The following PPM1H variants were observed in gnomAD, a reference collection of about 807,000 sequenced individuals.
The protein encoded by PPM1H is protein phosphatase 1H.
Under a neutral mutation model 54.9 loss-of-function variants are expected in PPM1H, and 27 were observed. The observed-to-expected ratio is 0.49, with a 90% CI of 0.36 to 0.68. The LOEUF is 0.68. Among genes scored for constraint, PPM1H ranks in the 30% least tolerant of loss-of-function variants. PPM1H has a pLI of 0.00. For missense variants in PPM1H, 596 were observed against 667.8 expected, an observed-to-expected ratio of 0.89 and a Z score of 1.19; for synonymous variants, 305 against 270.8, an observed-to-expected ratio of 1.13 and a Z score of -1.24.
chr12:62,695,058 T>C (rs556126190), intron 6 of PPM1H, among the ~76,000 whole-genome samples: 9 of 152,274 alleles, frequency 5.9e-5, no homozygotes, highest in African/African-American at 2.2e-4. Context: ...AATCCTAATT[T>C]ATTAAATGGC....
chr12:62,670,950 G>T (rs973003359), intron 8 of PPM1H, among the ~76,000 whole-genome samples: 12 of 152,080 alleles, frequency 7.9e-5, no homozygotes, highest in African/African-American at 2.2e-4. Context: ...AACCTGTGAT[G>T]CAGAACATTT....
intron 5 of PPM1H, among the ~76,000 whole-genome samples, chr12:62,727,412 G>A (rs1375945196): frequency 1.3e-5 from 2 of 151,996 alleles, no homozygotes; most frequent in African/African-American, 4.8e-5. Flanking sequence ...GGCCCATATT[G>A]TATAAAAACC....
intron 1 of PPM1H, among the ~76,000 whole-genome samples, chr12:62,927,544 C>A (rs1872008604): frequency 1.3e-5 from 2 of 151,556 alleles, no homozygotes; most frequent in African/African-American, 2.4e-5. Flanking sequence ...CGCCTGTAAT[C>A]CCAGCTTCTC....
intron 1 of PPM1H, among the ~76,000 whole-genome samples, chr12:62,855,811 G>A (rs958184450): frequency 2.0e-5 from 3 of 152,220 alleles, no homozygotes; most frequent in South Asian, 2.1e-4. Context: ...TGAGCTTATT[G>A]GGTACTGGAT....
At chr12:62,903,623 C>T (rs974265721) in intron 1 of PPM1H, among the ~76,000 whole-genome samples, 14 of 151,606 alleles carry the variant, frequency 9.2e-5, no homozygotes, top group African/African-American at 2.9e-4. Context: ...CACCCACCGC[C>T]AATTCCTTCA....
At position 62,802,044 on chromosome 12, in the gene PPM1H, G is replaced by T. The variant is rs1347113597; in HGVS notation, c.528C>A (p.Asp176Glu). 1.9e-6 allele frequency: 3 copies of T among 1,613,342 alleles called. No individual in the cohort carries two copies. The Admixed American group carries it at 5.0e-5, about 27-fold the overall frequency. ...LQHHITEQLQ[D>E]IVDILKNSAV... ...CGGAGTTCTTCAGGATGTCCACGAT[G>T]TCCTGCAGCTGCTCCGTGATGTGGT... Residue 176 changes from aspartate (D) to glutamate (E), a missense_variant, in exon 3 of 10, where the codon GAC becomes GAA. Around this residue, in one of 3 missense-constraint regions of PPM1H, gnomAD observed 382 missense variants for 387.1 expected, o/e 0.99. Transcript: ENST00000228705.
chr12:62,685,167 A>G lies in PPM1H; in HGVS notation c.1245+4532T>C, dbSNP rs544176459. 2.7e-3 allele frequency among the ~76,000 whole-genome samples: 406 copies of G among 152,238 alleles called. 6 individuals are homozygous for G. Among genetic ancestry groups the G allele is most frequent in the African/African-American group, 9.2e-3 (383 of 41,546 alleles). ...TTATAGGTGCACAGTGTTACTTTGCACAATTCTGTCTGGTCTCGGTTTGCA... is the reference window on the plus strand; with the variant it reads ...TTATAGGTGCACAGTGTTACTTTGCGCAATTCTGTCTGGTCTCGGTTTGCA... On this transcript the variant is annotated intron_variant, in intron 8 of 9. Transcript: ENST00000228705.
At chr12:62,793,109 G>A (rs1178075732) in intron 3 of PPM1H, among the ~76,000 whole-genome samples, 1 of 152,092 alleles carries the variant, frequency 6.6e-6, no homozygotes, top group African/African-American at 2.4e-5. Flanking sequence ...TATTTTTGCT[G>A]TCAATGAACC....
intron 1 of PPM1H, among the ~76,000 whole-genome samples, chr12:62,908,879 T>G (rs1255004715): frequency 6.6e-6 from 1 of 152,186 alleles, no homozygotes; most frequent in African/African-American, 2.4e-5. Flanking sequence ...TTATGACTAA[T>G]CCCTGGCTTA....
intron 9 of PPM1H, among the ~76,000 whole-genome samples, chr12:62,655,294 G>A (rs75534475): frequency 1.6e-3 from 243 of 152,180 alleles, no homozygotes; most frequent in African/African-American, 5.7e-3. Context: ...ATCCATCTTC[G>A]GAGCCACCTT....
chr12:62,802,331 A>C (rs2076776197), intron 2 of PPM1H, among the ~76,000 whole-genome samples, 171 bp from the exon 3 acceptor site: 2 of 151,946 alleles, frequency 1.3e-5, no homozygotes, highest in Non-Finnish European at 2.9e-5. Flanking sequence ...AAAAACAAAA[A>C]CAAAAAAAAC....
At chr12:62,870,077 A>G (rs1869924331) in intron 1 of PPM1H, among the ~76,000 whole-genome samples, 1 of 152,208 alleles carries the variant, frequency 6.6e-6, no homozygotes, top group African/African-American at 2.4e-5. Context: ...AATCCCAGGA[A>G]CTATCAAAAG....
At chr12:62,718,976 G>T (rs1397376162) in intron 6 of PPM1H, among the ~76,000 whole-genome samples, 1 of 152,196 alleles carries the variant, frequency 6.6e-6, no homozygotes, top group East Asian at 1.9e-4. Context: ...GGCAGTCACA[G>T]ATCAAACAAA....
At position 62,832,171 on chromosome 12, in the gene PPM1H, T is replaced by A; in HGVS notation, c.354A>T (p.Ser118=). 1 of 1,611,830 alleles carries A rather than the reference T, an allele frequency of 6.2e-7. No homozygotes were observed. The highest frequency in any genetic ancestry group is 8.5e-7 in the Non-Finnish European group (1 of 1,177,998). Residue 118 remains serine, a synonymous_variant, in exon 2 of 10, where the codon TCA becomes TCT. Transcript: ENST00000228705. The part of the protein sequence containing the change: ...GAVTSTPNRN[S]SKRRSSLPNG... ...TGGGAAGGGAGGACCGTCTCTTGGA[T>A]GAGTTCCTGTTTGGGGTTGAGGTCA... is the stretch of plus-strand genomic sequence containing the variant.
At chr12:62,901,092 T>G (rs1305854438) in intron 1 of PPM1H, among the ~76,000 whole-genome samples, 1 of 152,206 alleles carries the variant, frequency 6.6e-6, no homozygotes, top group Non-Finnish European at 1.5e-5. Context: ...GGATACATTT[T>G]TGCATCATGT....
At chr12:62,782,601 G>A (rs1262380015) in intron 4 of PPM1H, among the ~76,000 whole-genome samples, 1 of 151,960 alleles carries the variant, frequency 6.6e-6, no homozygotes, top group Non-Finnish European at 1.5e-5. Flanking sequence ...TGACACATTC[G>A]ACTTTCCCTA....
At chr12:62,919,759 T>C (rs1871735056) in intron 1 of PPM1H, among the ~76,000 whole-genome samples, 1 of 152,070 alleles carries the variant, frequency 6.6e-6, no homozygotes, top group African/African-American at 2.4e-5. Flanking sequence ...CAGAACCAGA[T>C]ACAAATCACA....
chr12:62,660,732 C>T (rs993928218), intron 9 of PPM1H, among the ~76,000 whole-genome samples: 4 of 152,270 alleles, frequency 2.6e-5, no homozygotes, highest in South Asian at 2.1e-4. Flanking sequence ...CCTGAAACTA[C>T]GAAACTACTA....
intron 9 of PPM1H, among the ~76,000 whole-genome samples, chr12:62,663,329 T>C (rs1451010263): frequency 7.7e-6 from 1 of 130,022 alleles, no homozygotes; most frequent in African/African-American, 2.5e-5. Context: ...TCTGCAATTC[T>C]CTTTTAAAAA....
Sources: allele counts gnomAD v4.1 joint callset (sites outside exome capture counted in the v4.1 genomes callset), GRCh38; gene constraint gnomAD v4.1.1; regional missense constraint gnomAD v4.1.1; transcripts MANE v1.5; gene names NCBI Gene and HGNC (gene_info 2026-07-23, HGNC 2026-07-21).